The following CDH13 variants were observed in gnomAD, a reference collection of about 807,000 sequenced individuals.
CDH13 encodes cadherin-13.
In CDH13, 24 loss-of-function variants were observed where a neutral mutation model predicts 63.8. That is an observed-to-expected ratio of 0.38 (90% CI 0.27 to 0.53). The LOEUF (loss-of-function observed/expected upper bound fraction) is 0.53. Ranked by LOEUF, CDH13 falls within the 20% of genes least tolerant of loss-of-function variation. The probability of loss-of-function intolerance (pLI) is 0.85; values close to 1 mark genes in which losing one functional copy is unlikely to be tolerated. For synonymous variants in CDH13, 503 were observed against 355.3 expected (o/e 1.42, Z -4.67); for missense variants, 1,049 against 903.1 (o/e 1.16, Z -2.07).
chr16:82,667,426 G>GT (rs1348718677), intron 1 of CDH13, among the ~76,000 whole-genome samples: 3 of 152,242 alleles, frequency 2.0e-5, no homozygotes, highest in African/African-American at 7.2e-5. Flanking sequence ...AGGATGTGGT[G>GT]TGGGGAGATG....
At chr16:82,688,854 C>G (rs187510938) in intron 1 of CDH13, 11 of 152,236 alleles carry the variant, frequency 7.2e-5, no homozygotes, top group African/African-American at 2.4e-4. Context: ...GAAAAGGGAA[C>G]AGGGTAACCA....
intron 1 of CDH13, among the ~76,000 whole-genome samples, chr16:82,672,970 C>T (rs1381637827): frequency 6.9e-6 from 1 of 145,242 alleles, no homozygotes; most frequent in Admixed American, 6.9e-5. Flanking sequence ...TTGCGTGCCA[C>T]CATGTATGGC....
At chr16:83,056,332 C>G (rs1195089940) in intron 3 of CDH13, among the ~76,000 whole-genome samples, 1 of 152,080 alleles carries the variant, frequency 6.6e-6, no homozygotes. Context: ...CACATGTACA[C>G]TAAAGGCTCT....
chr16:82,757,093 C>T (rs551687146), intron 1 of CDH13, among the ~76,000 whole-genome samples: 3 of 152,294 alleles, frequency 2.0e-5, no homozygotes, highest in African/African-American at 7.2e-5. Context: ...CTCCAGTCCT[C>T]TCTTCCCACA....
chr16:82,856,202 C>A (rs1466977578), intron 1 of CDH13, among the ~76,000 whole-genome samples: 2 of 151,648 alleles, frequency 1.3e-5, no homozygotes, highest in African/African-American at 4.8e-5. Flanking sequence ...CTGTGAAACC[C>A]CGTCTCTACT....
chr16:82,704,473 A>G lies in CDH13; in HGVS notation c.45+77336A>G, dbSNP rs147912060. Among the ~76,000 whole-genome samples, 99 of 152,310 alleles carry G rather than the reference A, an allele frequency of 6.5e-4. 1 individual carries two copies. The highest frequency in any genetic ancestry group is 2.2e-3 in the African/African-American group (92 of 41,556). ...GACTCTAAGTCTTGGGACTGCAAAGATGTCTGAGGCCCATTCTTTACTCCT... is the reference window on the plus strand; with the variant it reads ...GACTCTAAGTCTTGGGACTGCAAAGGTGTCTGAGGCCCATTCTTTACTCCT... On this transcript the variant is annotated intron_variant, in intron 1 of 13. Coordinates refer to ENST00000567109, the MANE Select transcript of CDH13 (RefSeq NM_001257.5).
intron 3 of CDH13, among the ~76,000 whole-genome samples, chr16:83,063,493 A>T (rs1567794634): frequency 6.6e-6 from 1 of 152,166 alleles, no homozygotes. Context: ...AATGGTTAGG[A>T]CATTGTTATG....
intron 6 of CDH13, among the ~76,000 whole-genome samples, chr16:83,457,529 C>G (rs1295999399): frequency 6.6e-6 from 1 of 152,168 alleles, no homozygotes; most frequent in African/African-American, 2.4e-5. Flanking sequence ...CATGGATCCT[C>G]AATAAATCAC....
chr16:83,494,044 T>C (rs183486525), intron 7 of CDH13, among the ~76,000 whole-genome samples: 16 of 152,342 alleles, frequency 1.1e-4, no homozygotes, highest in Admixed American at 1.0e-3. Flanking sequence ...AATCAGTAGT[T>C]ACTGGGCACA....
At position 83,082,603 on chromosome 16, in the gene CDH13, C is replaced by A. The variant is rs72796264; in HGVS notation, c.367-42782C>A. ...TTGCAGTGAGCCAAGACCATCGTGC[C>A]ACTGCATTCCAGCCTGGGCAACAAG... On this transcript the variant is annotated intron_variant, in intron 3 of 13. Transcript: ENST00000567109. Among the ~76,000 whole-genome samples, 546 of 152,166 alleles carry A rather than the reference C, an allele frequency of 3.6e-3. 6 individuals carry two copies. The highest frequency in any genetic ancestry group is 0.012 in the African/African-American group (517 of 41,520).
intron 6 of CDH13, among the ~76,000 whole-genome samples, chr16:83,475,373 CT>C (rs753034166): frequency 1.9e-4 from 29 of 152,310 alleles, no homozygotes; most frequent in Non-Finnish European, 2.9e-4. Flanking sequence ...AGTCAGGAAG[CT>C]GCATGTTCAA....
intron 10 of CDH13, among the ~76,000 whole-genome samples, chr16:83,725,144 G>A (rs150976500): frequency 1.3e-5 from 2 of 152,164 alleles, no homozygotes; most frequent in Non-Finnish European, 2.9e-5. Context: ...CAGAGAGAAA[G>A]GCACATCAGT....
rs1168664627 is a variant in CDH13 at position 83,797,261 on chromosome 16, G to C, written c.*2231G>C. ...TGTAAACTTCAGCCACATGCAGGGA[G>C]AAACACAGCAGCTGAGTGGCCATTC... On this transcript the variant is annotated 3_prime_UTR_variant, in exon 14 of 14. Transcript: ENST00000567109. The C allele has an allele frequency of 6.6e-6, 1 of 152,278 alleles. No individual in the cohort carries two copies. Among genetic ancestry groups the C allele is most frequent in the Non-Finnish European group, 1.5e-5 (1 of 68,064 alleles). 9.4% of individuals were successfully genotyped at this position (152,278 alleles called of 1,614,324 possible).
At chr16:83,680,114 C>A (rs931686277) in intron 10 of CDH13, among the ~76,000 whole-genome samples, 1 of 152,188 alleles carries the variant, frequency 6.6e-6, no homozygotes, top group African/African-American at 2.4e-5. Flanking sequence ...AGAACCCGCT[C>A]GAGATAGCAC....
chr16:83,267,110 CAG>C (rs1291620626), intron 5 of CDH13, among the ~76,000 whole-genome samples: 3 of 152,152 alleles, frequency 2.0e-5, no homozygotes, highest in Non-Finnish European at 2.9e-5. Context: ...TGAAGTGCAG[CAG>C]AGACATGCAT....
intron 4 of CDH13, among the ~76,000 whole-genome samples, chr16:83,150,628 T>C (rs1186930410): frequency 2.6e-5 from 4 of 152,216 alleles, no homozygotes; most frequent in Admixed American, 2.6e-4. Flanking sequence ...CAGATATCTG[T>C]CCTTATAGAG....
chr16:82,793,787 C>G (rs1471161569), intron 1 of CDH13, among the ~76,000 whole-genome samples: 2 of 152,150 alleles, frequency 1.3e-5, no homozygotes, highest in South Asian at 2.1e-4. Context: ...CAGAGGAAAA[C>G]AGATTAGAAG....
chr16:83,623,439 T>A (rs1909995832), intron 8 of CDH13, among the ~76,000 whole-genome samples: 1 of 152,180 alleles, frequency 6.6e-6, no homozygotes, highest in African/African-American at 2.4e-5. Context: ...CAGCCCCTCT[T>A]CTGGGGCTCC....
At chr16:83,144,275 T>C (rs1432346904) in intron 4 of CDH13, among the ~76,000 whole-genome samples, 1 of 152,322 alleles carries the variant, frequency 6.6e-6, no homozygotes, top group African/African-American at 2.4e-5. Flanking sequence ...GTTCCTGCGG[T>C]TGACACTCTT....
Sources: allele counts gnomAD v4.1 joint callset (sites outside exome capture counted in the v4.1 genomes callset), GRCh38; gene constraint gnomAD v4.1.1; transcripts MANE v1.5; gene names NCBI Gene and HGNC (gene_info 2026-07-23, HGNC 2026-07-21).